The following DPP6 variants were observed in gnomAD, a reference collection of about 807,000 sequenced individuals.
The protein encoded by DPP6 is A-type potassium channel modulatory protein DPP6.
A neutral mutation model predicts 122.6 loss-of-function variants in DPP6; 69 were observed. The ratio of observed to expected loss-of-function variants is 0.56; its 90% CI spans 0.46 to 0.69. The LOEUF (loss-of-function observed/expected upper bound fraction) is 0.69, where lower values mean the gene tolerates loss of function less well. DPP6 is among the 30% of genes least tolerant of loss of function. The pLI, the probability that DPP6 is intolerant of heterozygous loss-of-function variation, is 0.00. For synonymous variants in DPP6, 418 were observed against 433.1 expected (o/e 0.97, Z 0.43); for missense variants, 928 against 1,116.9 (o/e 0.83, Z 2.41).
chr7:154,426,585 C>A (rs937403943), intron 1 of DPP6, among the ~76,000 whole-genome samples: 7 of 152,052 alleles, frequency 4.6e-5, no homozygotes, highest in African/African-American at 1.7e-4. Flanking sequence ...TTGGGACATA[C>A]AAGTGGAAGG....
chr7:154,337,219 G>A (rs899034484), intron 1 of DPP6, among the ~76,000 whole-genome samples: 2 of 152,180 alleles, frequency 1.3e-5, no homozygotes, highest in African/African-American at 4.8e-5. Context: ...TGAGGCTGAG[G>A]CACTGGCCAT....
chr7:154,427,983 C>T (rs1328818090), intron 1 of DPP6, among the ~76,000 whole-genome samples: 1 of 152,200 alleles, frequency 6.6e-6, no homozygotes, highest in East Asian at 1.9e-4. Flanking sequence ...TTCTTTTAAT[C>T]TAAATTATCG....
chr7:154,168,319 G>A (rs915286980), intron 1 of DPP6, among the ~76,000 whole-genome samples: 8 of 152,164 alleles, frequency 5.3e-5, no homozygotes, highest in Non-Finnish European at 7.4e-5. Flanking sequence ...CAAGCTGGCC[G>A]CGCAGATCCA....
At chr7:154,051,955 T>C (rs1272680967), upstream of DPP6, among the ~76,000 whole-genome samples, 1 of 151,850 alleles carries the variant, frequency 6.6e-6, no homozygotes, top group Non-Finnish European at 1.5e-5. Flanking sequence ...CTGGTGTTGC[T>C]TCAAGTTAGG....
intron 3 of DPP6, among the ~76,000 whole-genome samples, chr7:154,502,501 G>A (rs945451713): frequency 1.3e-5 from 2 of 152,132 alleles, no homozygotes; most frequent in African/African-American, 4.8e-5. Flanking sequence ...TAAGTCTCAT[G>A]GGATCTGAGG....
In DPP6 at chr7:154,624,307, A is replaced by T. The variant is rs1228041340; in HGVS notation, c.628-13514A>T. On this transcript the variant is annotated intron_variant, in intron 5 of 25. Coordinates refer to ENST00000377770, the MANE Select transcript of DPP6 (RefSeq NM_130797.4). This position sits in a 1 kb window ranked among gnomAD's most constrained non-coding sequence, Gnocchi z 4.7. ...ACGTCACTGCACTCCAGCCAGGGCG[A>T]CAGAGTGAGACTCCATCTTAAAAAA... Among the ~76,000 whole-genome samples, 2 of 143,044 alleles carry T rather than the reference A, an allele frequency of 1.4e-5. No individual in the cohort carries two copies. The highest frequency in any genetic ancestry group is 3.0e-5 in the Non-Finnish European group (2 of 66,288). The allele number at this position is 143,044 out of a possible 152,430, so 93.8% of individuals were successfully genotyped here.
intron 1 of DPP6, among the ~76,000 whole-genome samples, chr7:154,152,452 A>C (rs1159623529): frequency 2.6e-5 from 4 of 152,296 alleles, no homozygotes; most frequent in Middle Eastern, 3.4e-3. Flanking sequence ...GCCTCAATCC[A>C]TAACCTTGGT....
At chr7:154,761,618 G>T (rs909665696) in intron 8 of DPP6, among the ~76,000 whole-genome samples, 1 of 152,232 alleles carries the variant, frequency 6.6e-6, no homozygotes, top group Non-Finnish European at 1.5e-5. Context: ...ACGGCAGAAG[G>T]CCAATGGGGA....
At chr7:153,984,872 C>T (rs1796765735) in intron 1 of DPP6, among the ~76,000 whole-genome samples, 1 of 152,230 alleles carries the variant, frequency 6.6e-6, no homozygotes, top group African/African-American at 2.4e-5. Flanking sequence ...GGTGCATCTT[C>T]CAGTCTCATC....
At chr7:153,819,825 G>A in the DPP6 span, among the ~76,000 whole-genome samples, 1 of 152,080 alleles carries the variant, frequency 6.6e-6, no homozygotes, top group African/African-American at 2.4e-5. Context: ...AATGTAGTTT[G>A]ATCAGTATTT....
chr7:154,708,381 C>T (rs1187297672), intron 7 of DPP6, among the ~76,000 whole-genome samples: 2 of 152,162 alleles, frequency 1.3e-5, no homozygotes, highest in African/African-American at 4.8e-5. Context: ...CCTATGCTCC[C>T]GTCAGGTGAG....
chr7:154,587,790 C>A (rs1467727927), intron 5 of DPP6: 1 of 1,611,666 alleles, frequency 6.2e-7, no homozygotes, highest in Admixed American at 1.7e-5. Context: ...CTCTTCACTG[C>A]CTGCGTGACT....
In DPP6 at chr7:154,816,142, C is replaced by T. The variant is rs76175374; in HGVS notation, c.1666+9030C>T. 6.3e-3 allele frequency among the ~76,000 whole-genome samples: 965 copies of T among 152,252 alleles called. 6 individuals are homozygous for T. The highest frequency in any genetic ancestry group is 0.022 in the African/African-American group (905 of 41,546). On this transcript the variant is annotated intron_variant, in intron 16 of 25. Coordinates refer to ENST00000377770, the MANE Select transcript of DPP6 (RefSeq NM_130797.4). ...GGCATCTTGGTTAACCTTGCTTAAT[C>T]CTCCACACCCTCATCCTGAAAATCG...
chr7:153,772,701 A>C, the DPP6 span, among the ~76,000 whole-genome samples: 1 of 149,818 alleles, frequency 6.7e-6, no homozygotes, highest in Non-Finnish European at 1.5e-5. Context: ...AAAAGAAAAA[A>C]CTATAAGCTC....
At chr7:153,969,915 T>C (rs1302934108) in intron 1 of DPP6, among the ~76,000 whole-genome samples, 1 of 152,000 alleles carries the variant, frequency 6.6e-6, no homozygotes, top group African/African-American at 2.4e-5. Flanking sequence ...TAGAATTTCA[T>C]ATAAATGGAA....
intron 7 of DPP6, among the ~76,000 whole-genome samples, chr7:154,677,642 C>T (rs1182188543): frequency 6.6e-6 from 1 of 152,210 alleles, no homozygotes; most frequent in African/African-American, 2.4e-5. Flanking sequence ...CACGTGTGGG[C>T]GTCTGCACGG....
chr7:154,453,393 A>C (rs2151302543), intron 2 of DPP6, among the ~76,000 whole-genome samples: 1 of 152,320 alleles, frequency 6.6e-6, no homozygotes, highest in South Asian at 2.1e-4. Flanking sequence ...GATTACTTTT[A>C]CGGAATTAAA....
rs907669269 is a variant in DPP6 at position 154,760,991 on chromosome 7, T to C, written c.884-8426T>C. Among the ~76,000 whole-genome samples the C allele has an allele frequency of 6.6e-6, 1 of 152,022 alleles. No individual in the cohort carries two copies. Among genetic ancestry groups the C allele is most frequent in the Non-Finnish European group, 1.5e-5 (1 of 68,002 alleles). ...CTGGGACTACAGGCGCCTGCCACCA[T>C]GCCCGGCTAATTTTTGTATTTTTAG... On this transcript the variant is annotated intron_variant, in intron 8 of 25. Transcript: ENST00000377770. The surrounding 1 kb of genome is among the most constrained non-coding windows in gnomAD (Gnocchi z 4.5).
rs111919217 is a variant in DPP6 at position 154,429,845 on chromosome 7, C to T, written c.244-16369C>T. On this transcript the variant is annotated intron_variant, in intron 1 of 25. Coordinates refer to ENST00000377770, the MANE Select transcript of DPP6 (RefSeq NM_130797.4). ...TATGTCACATCAGCAATGCAGGTCG[C>T]GCTCGTCACAGACATTTCAGATGGA... Among the ~76,000 whole-genome samples, 698 of 152,252 alleles carry T rather than the reference C, an allele frequency of 4.6e-3. 4 individuals are homozygous for T. Among genetic ancestry groups the T allele is most frequent in the Admixed American group, 8.6e-3 (131 of 15,298 alleles).
Sources: allele counts gnomAD v4.1 joint callset (sites outside exome capture counted in the v4.1 genomes callset), GRCh38; gene constraint gnomAD v4.1.1; non-coding constraint Gnocchi (gnomAD v3.1); transcripts MANE v1.5; gene names NCBI Gene and HGNC (gene_info 2026-07-23, HGNC 2026-07-21).